PNRC2: variants seen among roughly 807,000 people sequenced by gnomAD.
PNRC2 encodes the protein proline-rich nuclear receptor coactivator 2.
A neutral mutation model predicts 12.2 loss-of-function variants in PNRC2; 2 were observed. The observed-to-expected ratio is 0.16, with a 90% CI of 0.07 to 0.52. The LOEUF is 0.52. PNRC2 is among the 20% of genes least tolerant of loss of function. The pLI is 0.95. For missense variants in PNRC2, 115 were observed against 158.4 expected, an observed-to-expected ratio of 0.73 and a Z score of 1.47; for synonymous variants, 44 against 53.9, an observed-to-expected ratio of 0.82 and a Z score of 0.80.
rs1641244316 is a variant in PNRC2 at position 23,959,941 on chromosome 1, A to AGG, written c.-280_-279dup. 1 of 152,124 alleles carries AGG rather than the reference A, an allele frequency of 6.6e-6. No individual in the cohort carries two copies. Among genetic ancestry groups the AGG allele is most frequent in the African/African-American group, 2.4e-5 (1 of 41,394 alleles). 9.4% of individuals were successfully genotyped at this position (152,124 alleles called of 1,614,324 possible). On this transcript the variant is annotated 5_prime_UTR_variant, in exon 1 of 3. Coordinates refer to ENST00000334351, the MANE Select transcript of PNRC2 (RefSeq NM_017761.4). ...GTGCCTCGTCTCTCCCTGGAAAGGGAGGGAGGCTTCGACGTCGAGAGGGAG... is the reference window on the plus strand; with the variant it reads ...GTGCCTCGTCTCTCCCTGGAAAGGGAGGGGGAGGCTTCGACGTCGAGAGGGAG...
At chr1:23,959,434 C>T (rs1641235024), upstream of PNRC2, among the ~76,000 whole-genome samples, 2 of 152,216 alleles carry the variant, frequency 1.3e-5, no homozygotes. Context: ...ATACAGGCTA[C>T]AGGACTCAGT....
rs1557551140 is a variant in PNRC2, at chr1:23,960,961, G to C, written c.-192G>C. On this transcript the variant is annotated 5_prime_UTR_variant, in exon 2 of 3. Coordinates refer to ENST00000334351, the MANE Select transcript of PNRC2 (RefSeq NM_017761.4). ...TTCTCTCAAACTTGTGTGCTGAGGA[G>C]ACTCAGATGTTGGCCTCAGCTCCTA... is the stretch of plus-strand genomic sequence containing the variant. 4 of 399,378 alleles carry C rather than the reference G, an allele frequency of 1.0e-5. No homozygotes were observed. The highest frequency in any genetic ancestry group is 1.8e-5 in the Non-Finnish European group (4 of 226,414). 24.7% of individuals were successfully genotyped at this position (399,378 alleles called of 1,614,324 possible). A position where few individuals can be genotyped will look rare whatever the true frequency, so the allele number is the denominator to read the frequency against.
At chr1:23,961,284 C>T (rs1275760867) in intron 2 of PNRC2, 150 bp downstream of exon 2, 7 of 532,000 alleles carry the variant, frequency 1.3e-5, no homozygotes, top group African/African-American at 9.9e-5. Context: ...GAAGTCTGAA[C>T]GGCTTGCTTT....
In PNRC2 at chr1:23,962,012, T is replaced by G; in HGVS notation, c.*135T>G. ...AGACCATCTCGTGTTGTGTGCACTG[T>G]GATATAATGGTAGTATCAGTGCAAC... On this transcript the variant is annotated 3_prime_UTR_variant, in exon 3 of 3. Transcript: ENST00000334351. The G allele has an allele frequency of 1.6e-6, 1 of 607,030 alleles. No homozygotes were observed. Among genetic ancestry groups the G allele is most frequent in the Non-Finnish European group, 2.9e-6 (1 of 340,034 alleles). 37.6% of individuals were successfully genotyped at this position (607,030 alleles called of 1,614,324 possible).
In PNRC2 at chr1:23,961,001, G is replaced by T. The variant is rs1641266875; in HGVS notation, c.-152G>T. 2 of 401,790 alleles carry T rather than the reference G, an allele frequency of 5.0e-6. No individual in the cohort carries two copies. Among genetic ancestry groups the T allele is most frequent in the African/African-American group, 2.1e-5 (1 of 48,644 alleles). The allele number at this position is 401,790 out of a possible 1,614,324, so 24.9% of individuals were successfully genotyped here. ...CTCAGCTCCTAGGCTGAACTCAGCA[G>T]ATCGGCCCATGAAAACTTCTGTATT... On this transcript the variant is annotated 5_prime_UTR_variant, in exon 2 of 3. Transcript: ENST00000334351.
chr1:23,960,801 T>TA (rs1641262436), intron 1 of PNRC2, 128 bp from the exon 2 acceptor site: 6 of 391,500 alleles, frequency 1.5e-5, no homozygotes, highest in Admixed American at 4.4e-5. Flanking sequence ...AAAGCCATCT[T>TA]ACGAGAAATT....
chr1:23,959,573 C>T (rs1641237060), upstream of PNRC2, among the ~76,000 whole-genome samples: 1 of 150,384 alleles, frequency 6.6e-6, no homozygotes, highest in African/African-American at 2.5e-5. Flanking sequence ...GCCGGGGCCT[C>T]GGCGGGCCAG....
intron 1 of PNRC2, among the ~76,000 whole-genome samples, chr1:23,960,608 A>C (rs796773947): frequency 6.6e-6 from 1 of 152,212 alleles, no homozygotes; most frequent in African/African-American, 2.4e-5. Flanking sequence ...CAATTTTTTG[A>C]TATGACTCAA....
chr1:23,960,757 G>T (rs1641261951), intron 1 of PNRC2, among the ~76,000 whole-genome samples, 172 bp from the exon 2 acceptor site: 2 of 152,292 alleles, frequency 1.3e-5, no homozygotes, highest in South Asian at 4.1e-4. Flanking sequence ...AGGGTGAAGA[G>T]TTTTTTTAAA....
Position 23,962,006 on chromosome 1 carries a change from G to A in PNRC2, c.*129G>A, listed in dbSNP as rs1299608253. 6.4e-6 allele frequency: 4 copies of A among 621,226 alleles called. No individual in the cohort carries two copies. Among genetic ancestry groups the A allele is most frequent in the Non-Finnish European group, 1.1e-5 (4 of 348,324 alleles). 38.5% of individuals were successfully genotyped at this position (621,226 alleles called of 1,614,324 possible). On this transcript the variant is annotated 3_prime_UTR_variant, in exon 3 of 3. Coordinates refer to ENST00000334351, the MANE Select transcript of PNRC2 (RefSeq NM_017761.4). ...AAAAATAGACCATCTCGTGTTGTGT[G>A]CACTGTGATATAATGGTAGTATCAG...
upstream of PNRC2, chr1:23,959,219 G>C (rs1005586061): frequency 3.3e-5 from 5 of 152,398 alleles, no homozygotes; most frequent in African/African-American, 9.6e-5. Context: ...ACTTGCCCGC[G>C]TGTGTCTGAA....
rs1379898020 is a variant in PNRC2 at position 23,962,405 on chromosome 1, G to C, written c.*528G>C. ...TTGGAGCTCATTAGAATGAGACATA[G>C]TACACCCCAATGGCCCTGTTTATTA... On this transcript the variant is annotated 3_prime_UTR_variant, in exon 3 of 3. Coordinates refer to ENST00000334351, the MANE Select transcript of PNRC2 (RefSeq NM_017761.4). 6.0e-6 allele frequency: 1 copy of C among 167,384 alleles called. No homozygotes were observed. The highest frequency in any genetic ancestry group is 1.5e-5 in the Non-Finnish European group (1 of 68,546). 10.4% of individuals were successfully genotyped at this position (167,384 alleles called of 1,614,324 possible). A position where few individuals can be genotyped will look rare whatever the true frequency, so the allele number is the denominator to read the frequency against.
rs1172423220 is a variant in PNRC2 at position 23,962,782 on chromosome 1, G to A, written c.*905G>A. The A allele has an allele frequency of 1.8e-5, 3 of 166,848 alleles. No homozygotes were observed. 10.3% of individuals were successfully genotyped at this position (166,848 alleles called of 1,614,324 possible). A position where few individuals can be genotyped will look rare whatever the true frequency, so the allele number is the denominator to read the frequency against. Reference sequence around the variant, plus strand: ...TTTATAATATGGCCTAATTTTAAAGGTCCAAAATAACTTGTTTTTAAAGTT... The same window carrying A: ...TTTATAATATGGCCTAATTTTAAAGATCCAAAATAACTTGTTTTTAAAGTT... On this transcript the variant is annotated 3_prime_UTR_variant, in exon 3 of 3. Coordinates refer to ENST00000334351, the MANE Select transcript of PNRC2 (RefSeq NM_017761.4).
rs1455259550 is a variant in PNRC2 at position 23,963,081 on chromosome 1, TTTTG to T, written c.*1208_*1211del. On this transcript the variant is annotated 3_prime_UTR_variant, in exon 3 of 3. Transcript: ENST00000334351. ...AGTTTCGAGTATGGTGCCAGTGATG[TTTTG>T]TTTTTGTTTGGTCAAGGGGTAGGTG... 10 of 166,270 alleles carry T rather than the reference TTTTG, an allele frequency of 6.0e-5. No homozygotes were observed. The East Asian group carries it at 1.7e-3, about 29-fold the overall frequency. 10.3% of individuals were successfully genotyped at this position (166,270 alleles called of 1,614,324 possible). A position where few individuals can be genotyped will look rare whatever the true frequency, so the allele number is the denominator to read the frequency against.
At chr1:23,960,242 CA>C (rs1641251265) in intron 1 of PNRC2, among the ~76,000 whole-genome samples, 1 of 152,198 alleles carries the variant, frequency 6.6e-6, no homozygotes, top group Non-Finnish European at 1.5e-5. Context: ...CCGGAAATGG[CA>C]ATTTATTTAG....
rs1270117263 is a variant in PNRC2, at chr1:23,963,266, T to C, written c.*1389T>C. 6.0e-6 allele frequency: 1 copy of C among 167,034 alleles called. No individual in the cohort carries two copies. The highest frequency in any genetic ancestry group is 1.9e-4 in the East Asian group (1 of 5,208). The allele number at this position is 167,034 out of a possible 1,614,324, so 10.3% of individuals were successfully genotyped here. A position where few individuals can be genotyped will look rare whatever the true frequency, so the allele number is the denominator to read the frequency against. On this transcript the variant is annotated 3_prime_UTR_variant, in exon 3 of 3. Transcript: ENST00000334351. ...GATTGTTAATGCCCTATTTTCTAAT[T>C]TGGCACCTCTTGATGCCTAAGCAGG... is the stretch of plus-strand genomic sequence containing the variant.
At chr1:23,959,337 GGA>G (rs1641233494), upstream of PNRC2, 1 of 151,878 alleles carries the variant, frequency 6.6e-6, no homozygotes, top group Admixed American at 6.6e-5. Context: ...TGTGGGTGTG[GGA>G]GAGAGGCGAC....
rs1204580045 is a variant in PNRC2 at position 23,962,612 on chromosome 1, T to A, written c.*735T>A. Reference sequence around the variant, plus strand: ...GCTTGCTTTGGGGAGTTGGATAATGTGAAAATTTTAAGTACCTAGGGGAGA... The same window carrying A: ...GCTTGCTTTGGGGAGTTGGATAATGAGAAAATTTTAAGTACCTAGGGGAGA... On this transcript the variant is annotated 3_prime_UTR_variant, in exon 3 of 3. Coordinates refer to ENST00000334351, the MANE Select transcript of PNRC2 (RefSeq NM_017761.4). 1 of 167,106 alleles carries A rather than the reference T, an allele frequency of 6.0e-6. No individual in the cohort carries two copies. The highest frequency in any genetic ancestry group is 1.5e-5 in the Non-Finnish European group (1 of 68,106). The allele number at this position is 167,106 out of a possible 1,614,324, so 10.4% of individuals were successfully genotyped here. A position where few individuals can be genotyped will look rare whatever the true frequency, so the allele number is the denominator to read the frequency against.
rs991930046 is a variant in PNRC2, at chr1:23,961,527, C to T, written c.70C>T (p.Leu24Phe). ...AAATGTTAGTAAGAACCAACAACAG[C>T]TTAACAGACAGAAGACCAAGGAACA... is the stretch of plus-strand genomic sequence containing the variant. ...SRNVSKNQQQ[L>F]NRQKTKEQNS... Residue 24 changes from leucine (L) to phenylalanine (F), a missense_variant, in exon 3 of 3, where the codon CTT becomes TTT. By Grantham distance (22) the Leu-to-Phe change is conservative (BLOSUM62 0). Transcript: ENST00000334351. 31 of 1,613,148 alleles carry T rather than the reference C, an allele frequency of 1.9e-5. No homozygotes were observed. Among genetic ancestry groups the T allele is most frequent in the Admixed American group, 5.0e-5 (3 of 59,912 alleles).
Sources: gnomAD v4.1 joint callset for allele counts (sites outside exome capture counted in the v4.1 genomes callset) on GRCh38, gnomAD v4.1.1 for gene constraint, MANE v1.5 for transcripts, NCBI Gene and HGNC (gene_info 2026-07-23, HGNC 2026-07-21) for gene names.